Variants in CX3CR1 observed in about 807,000 individuals in gnomAD.
CX3CR1 encodes the protein C-X3-C motif chemokine receptor 1.
For missense variants in CX3CR1, 363 were observed against 432.4 expected (o/e 0.84, Z 1.42); for synonymous variants, 168 against 178.5 (o/e 0.94, Z 0.47).
rs2040692126 is a variant in CX3CR1 at position 39,266,000 on chromosome 3, C to G, written c.510G>C (p.Gln170His). ...AGTCACCAAGGCATTCATTTTCTTT[C>G]TGCTTTGTGAACATGAACTGGGGTG... ...VAAPQFMFTK[Q>H]KENECLGDYP... Residue 170 changes from glutamine (Q) to histidine (H), a missense_variant, in exon 2 of 2, where the codon CAG becomes CAC. Gln to His is a conservative substitution (Grantham distance 24, BLOSUM62 0). Coordinates refer to ENST00000399220, the MANE Select transcript of CX3CR1 (RefSeq NM_001337.4). 1 of 1,614,076 alleles carries G rather than the reference C, an allele frequency of 6.2e-7. No homozygotes were observed. The highest frequency in any genetic ancestry group is 1.3e-5 in the African/African-American group (1 of 74,914).
chr3:39,266,833 A>T (rs1377888715), intron 1 of CX3CR1, among the ~76,000 whole-genome samples: 1 of 151,240 alleles, frequency 6.6e-6, no homozygotes, highest in Non-Finnish European at 1.5e-5. Context: ...CCCAGGCTGG[A>T]GTGCAGTGGT....
At chr3:39,288,503 T>TC in the CX3CR1 span, among the ~76,000 whole-genome samples, 3 of 152,114 alleles carry the variant, frequency 2.0e-5, no homozygotes, top group South Asian at 2.1e-4. Context: ...GAGCTCTGTC[T>TC]CCCCCTCCTG....
At chr3:39,277,753 C>A (rs1171792465) in intron 1 of CX3CR1, among the ~76,000 whole-genome samples, 1 of 152,166 alleles carries the variant, frequency 6.6e-6, no homozygotes. Context: ...AGACGATCGT[C>A]CTGACTGGGT....
At chr3:39,281,371 C>T, upstream of CX3CR1, 1 of 730,336 alleles carries the variant, frequency 1.4e-6, no homozygotes, top group Admixed American at 3.9e-5. Flanking sequence ...GCTGGGCTGG[C>T]TGCCTCAGCC....
rs56181422 is a variant in CX3CR1 at position 39,265,456 on chromosome 3, A to G, written c.1054T>C (p.Leu352=). ...FTYHTSDGDA[L]LLL ...TGGGATTCCCTTCAGAGAAGGAGCA[A>G]TGCATCTCCATCACTCGTGTGGTAA... The change falls in exon 2 of 2, where the codon TTG becomes CTG. Residue 352 remains leucine (L), a synonymous_variant. Coordinates refer to ENST00000399220, the MANE Select transcript of CX3CR1 (RefSeq NM_001337.4). The G allele has an allele frequency of 2.0e-3, 3,257 of 1,609,916 alleles. 62 individuals carry two copies. The African/African-American group carries it at 0.037, about 18-fold the overall frequency.
rs1159628973 is a variant in CX3CR1 at position 39,264,535 on chromosome 3, T to G, written c.*907A>C. The G allele has an allele frequency of 6.6e-6, 1 of 152,216 alleles. No individual in the cohort carries two copies. Among genetic ancestry groups the G allele is most frequent in the East Asian group, 1.9e-4 (1 of 5,180 alleles). 9.4% of individuals were successfully genotyped at this position (152,216 alleles called of 1,614,324 possible). ...ATGAGGTCATATGGAAGAGACAGGC[T>G]GATAGGATGGGTGGAGTCCTTTGGG... is the stretch of plus-strand genomic sequence containing the variant. On this transcript the variant is annotated 3_prime_UTR_variant, in exon 2 of 2. Transcript: ENST00000399220.
the CX3CR1 span, among the ~76,000 whole-genome samples, chr3:39,288,543 G>C: frequency 6.6e-6 from 1 of 152,202 alleles, no homozygotes; most frequent in Non-Finnish European, 1.5e-5. Context: ...GCAACCCCCA[G>C]GTCCAGGAGC....
intron 1 of CX3CR1, among the ~76,000 whole-genome samples, chr3:39,276,692 A>G (rs1261537046): frequency 1.3e-5 from 2 of 152,262 alleles, no homozygotes; most frequent in Non-Finnish European, 2.9e-5. Context: ...TGTTGCCGTG[A>G]AAATTTTTGT....
At chr3:39,267,701 C>A (rs566052196) in intron 1 of CX3CR1, among the ~76,000 whole-genome samples, 1 of 152,180 alleles carries the variant, frequency 6.6e-6, no homozygotes, top group East Asian at 1.9e-4. Flanking sequence ...GATGGGGCTC[C>A]GTTAGTCTGC....
chr3:39,285,485 G>A (rs1196316169), upstream of CX3CR1, among the ~76,000 whole-genome samples: 3 of 152,214 alleles, frequency 2.0e-5, no homozygotes, highest in African/African-American at 7.2e-5. Context: ...AACATCATCT[G>A]TGGCAATTTT....
the CX3CR1 span, among the ~76,000 whole-genome samples, chr3:39,291,515 G>T: frequency 0.016 from 2,485 of 152,302 alleles, 33 homozygotes; most frequent in Non-Finnish European, 0.026. Context: ...AAAAAGCACA[G>T]ATCACAGGTT....
chr3:39,289,119 A>C, the CX3CR1 span, among the ~76,000 whole-genome samples: 3 of 151,578 alleles, frequency 2.0e-5, no homozygotes, highest in African/African-American at 7.3e-5. Context: ...GCACCACTGC[A>C]CTCCAGCCTG....
At chr3:39,270,698 T>A (rs2040765081) in intron 1 of CX3CR1, among the ~76,000 whole-genome samples, 2 of 152,366 alleles carry the variant, frequency 1.3e-5, no homozygotes, top group Middle Eastern at 3.4e-3. Context: ...TGGAGAGGGA[T>A]TCTGAAGGAT....
chr3:39,268,817 A>G (rs886860334), intron 1 of CX3CR1, among the ~76,000 whole-genome samples: 17 of 152,270 alleles, frequency 1.1e-4, no homozygotes, highest in African/African-American at 4.1e-4. Context: ...TGCCCACAGA[A>G]CTGTTTTAAG....
chr3:39,274,636 T>C (rs1293558315), intron 1 of CX3CR1, among the ~76,000 whole-genome samples: 1 of 152,108 alleles, frequency 6.6e-6, no homozygotes, highest in Non-Finnish European at 1.5e-5. Context: ...TATGTCAAAG[T>C]AAACTGTGAA....
At chr3:39,283,552 TG>T (rs1035841757), upstream of CX3CR1, among the ~76,000 whole-genome samples, 1 of 151,474 alleles carries the variant, frequency 6.6e-6, no homozygotes, top group African/African-American at 2.4e-5. Flanking sequence ...GAGGCCAACG[TG>T]GGTGGATCAC....
At chr3:39,286,074 G>A (rs139435804), upstream of CX3CR1, 85 of 152,344 alleles carry the variant, frequency 5.6e-4, no homozygotes, top group African/African-American at 2.0e-3. Flanking sequence ...CAGCTGGCCA[G>A]GGTATAAGTG....
Position 39,280,025 on chromosome 3 carries a change from G to A in CX3CR1, c.-81C>T, listed in dbSNP as rs36230801. 20,797 of 985,382 alleles carry A rather than the reference G, an allele frequency of 0.021. 231 individuals carry two copies. Among genetic ancestry groups the A allele is most frequent in the Non-Finnish European group, 0.023 (19,073 of 829,844 alleles). The allele number at this position is 985,382 out of a possible 1,614,324, so 61.0% of individuals were successfully genotyped here. Reference sequence around the variant, plus strand: ...CCTGTCCTGCTCAGACTTTACCAGAGACGAGTATTTCCCTTTCCTTCCCTC... The same window carrying A: ...CCTGTCCTGCTCAGACTTTACCAGAAACGAGTATTTCCCTTTCCTTCCCTC... On this transcript the variant is annotated 5_prime_UTR_variant, in exon 1 of 2. Transcript: ENST00000399220.
upstream of CX3CR1, among the ~76,000 whole-genome samples, chr3:39,284,157 G>C (rs1000432375): frequency 1.3e-5 from 2 of 151,818 alleles, no homozygotes. Flanking sequence ...ATTAAAAAAA[G>C]CTGAGAAACC....
Sources: gnomAD v4.1 joint callset for allele counts (sites outside exome capture counted in the v4.1 genomes callset) on GRCh38, gnomAD v4.1.1 for gene constraint, MANE v1.5 for transcripts, NCBI Gene and HGNC (gene_info 2026-07-23, HGNC 2026-07-21) for gene names.